Variants in PLA2G12A observed in about 807,000 individuals in gnomAD.
PLA2G12A encodes group XIIA secretory phospholipase A2.
A neutral mutation model predicts 16.0 loss-of-function variants in PLA2G12A; 11 were observed. The ratio of observed to expected loss-of-function variants is 0.69; its 90% CI spans 0.43 to 1.13. The LOEUF is 1.13. Among genes scored for constraint, PLA2G12A ranks in the 50% most tolerant of loss-of-function variants. The pLI is 0.00. For synonymous variants in PLA2G12A, 77 were observed against 93.8 expected, an observed-to-expected ratio of 0.82 and a Z score of 1.03; for missense variants, 214 against 237.3, an observed-to-expected ratio of 0.90 and a Z score of 0.65.
Position 109,729,850 on chromosome 4 carries a change from C to A in PLA2G12A, c.-41G>T, listed in dbSNP as rs1723017134. ...CTCTACGGGTCCCCGAGCCGCGGCG[C>A]GGGGCGCGTCCCCACAGAGTCCCCA... On this transcript the variant is annotated 5_prime_UTR_variant, in exon 1 of 4. Transcript: ENST00000243501. 1.3e-6 allele frequency: 2 copies of A among 1,522,408 alleles called. No homozygotes were observed. Among genetic ancestry groups the A allele is most frequent in the Non-Finnish European group, 1.8e-6 (2 of 1,131,818 alleles). The allele number at this position is 1,522,408 out of a possible 1,614,324, so 94.3% of individuals were successfully genotyped here.
chr4:109,715,626 T>C (rs887871298), intron 3 of PLA2G12A, among the ~76,000 whole-genome samples: 3 of 151,944 alleles, frequency 2.0e-5, no homozygotes, highest in African/African-American at 4.8e-5. Context: ...ACTGGGACTA[T>C]AGGCGCCTGG....
intron 1 of PLA2G12A, among the ~76,000 whole-genome samples, chr4:109,724,420 C>T (rs1561273232): frequency 6.6e-6 from 1 of 151,960 alleles, no homozygotes; most frequent in Non-Finnish European, 1.5e-5. Flanking sequence ...TCGCGCCCGG[C>T]CTTTTTTTTT....
chr4:109,728,460 G>A (rs928494680), intron 1 of PLA2G12A, among the ~76,000 whole-genome samples: 6 of 152,152 alleles, frequency 3.9e-5, no homozygotes, highest in African/African-American at 1.4e-4. Context: ...TTAATCCTCC[G>A]AACAAGTTCT....
Position 109,711,053 on chromosome 4 carries a change from C to CTTTTTTTTTT in PLA2G12A, c.*3314_*3323dup, listed in dbSNP as rs67674001. ...AGAGCTGCTGACAGTTAGTTCTTGCCTTTTTTTTTTTTTTTTTTTTTTTGC... is the reference window on the plus strand; with the variant it reads ...AGAGCTGCTGACAGTTAGTTCTTGCCTTTTTTTTTTTTTTTTTTTTTTTTTTTTTTTTTGC... On this transcript the variant is annotated 3_prime_UTR_variant, in exon 4 of 4. Transcript: ENST00000243501. 66 of 57,254 alleles carry CTTTTTTTTTT rather than the reference C, an allele frequency of 1.2e-3. 1 individual carries two copies. Among genetic ancestry groups the CTTTTTTTTTT allele is most frequent in the African/African-American group, 1.7e-3 (20 of 11,924 alleles). 3.5% of individuals were successfully genotyped at this position (57,254 alleles called of 1,614,324 possible).
At chr4:109,715,683 C>T (rs1730817882) in intron 3 of PLA2G12A, among the ~76,000 whole-genome samples, 1 of 152,088 alleles carries the variant, frequency 6.6e-6, no homozygotes, top group African/African-American at 2.4e-5. Context: ...CCATGTTGGC[C>T]AGGCTGCTCT....
rs201944228 is a variant in PLA2G12A at position 109,720,604 on chromosome 4, AATATATATATATATATAT to A, written c.209-1863_209-1846del. Among the ~76,000 whole-genome samples, 254 of 35,570 alleles carry A rather than the reference AATATATATATATATATAT, an allele frequency of 7.1e-3. 5 individuals are homozygous for A. Among genetic ancestry groups the A allele is most frequent in the African/African-American group, 0.029 (225 of 7,686 alleles). The allele number at this position is 35,570 out of a possible 152,430, so 23.3% of individuals were successfully genotyped here. The stretch of plus-strand genomic sequence containing the variant: ...AAAAAAAAAAAAAAAAAAAAAAAAA[AATATATATATATATATAT>A]ATATATATATATATATATATATGAA... On this transcript the variant is annotated intron_variant, in intron 1 of 3. Coordinates refer to ENST00000243501, the MANE Select transcript of PLA2G12A (RefSeq NM_030821.5).
intron 1 of PLA2G12A, among the ~76,000 whole-genome samples, chr4:109,725,805 G>C (rs551499280): frequency 6.6e-6 from 1 of 152,284 alleles, no homozygotes; most frequent in African/African-American, 2.4e-5. Flanking sequence ...CAGATGACAA[G>C]CACAAGAAGT....
At chr4:109,719,697 A>G (rs1730888031) in intron 1 of PLA2G12A, among the ~76,000 whole-genome samples, 1 of 152,198 alleles carries the variant, frequency 6.6e-6, no homozygotes, top group East Asian at 1.9e-4. Context: ...CAGTGCATAT[A>G]AAAGTTTTGT....
intron 1 of PLA2G12A, among the ~76,000 whole-genome samples, chr4:109,727,173 C>T (rs751556776): frequency 1.3e-4 from 19 of 151,862 alleles, no homozygotes; most frequent in African/African-American, 2.4e-4. Context: ...GCTGGAGGCA[C>T]GGTCTCGGCT....
In PLA2G12A at chr4:109,710,729, G is replaced by A. The variant is rs1561268478; in HGVS notation, c.*3648C>T. 1 of 152,272 alleles carries A rather than the reference G, an allele frequency of 6.6e-6. No individual in the cohort carries two copies. The highest frequency in any genetic ancestry group is 1.5e-5 in the Non-Finnish European group (1 of 68,066). 9.4% of individuals were successfully genotyped at this position (152,272 alleles called of 1,614,324 possible). ...GATCTGTCCGCCTTGGCCTCCCACAGTGCTGAGATTACAGGCTTGAACCAC... is the reference window on the plus strand; with the variant it reads ...GATCTGTCCGCCTTGGCCTCCCACAATGCTGAGATTACAGGCTTGAACCAC... On this transcript the variant is annotated 3_prime_UTR_variant, in exon 4 of 4. Coordinates refer to ENST00000243501, the MANE Select transcript of PLA2G12A (RefSeq NM_030821.5).
At chr4:109,725,778 C>T (rs1579126863) in intron 1 of PLA2G12A, among the ~76,000 whole-genome samples, 1 of 152,204 alleles carries the variant, frequency 6.6e-6, no homozygotes, top group Middle Eastern at 3.4e-3. Context: ...ACTGTTTTCA[C>T]CTGACAGAAT....
intron 1 of PLA2G12A, among the ~76,000 whole-genome samples, chr4:109,725,422 C>T (rs1342841090): frequency 6.6e-6 from 1 of 152,144 alleles, no homozygotes; most frequent in Non-Finnish European, 1.5e-5. Flanking sequence ...TTATAAATGG[C>T]TAAGCATTTT....
At chr4:109,717,482 A>C in intron 3 of PLA2G12A, 66 bp downstream of exon 3, 1 of 1,484,408 alleles carries the variant, frequency 6.7e-7, no homozygotes, top group South Asian at 1.2e-5. Context: ...TCCTATACTA[A>C]AACATAGAGC....
At position 109,713,489 on chromosome 4, in the gene PLA2G12A, G is replaced by A. The variant is rs1298301640; in HGVS notation, c.*888C>T. 3 of 152,106 alleles carry A rather than the reference G, an allele frequency of 2.0e-5. No individual in the cohort carries two copies. Among genetic ancestry groups the A allele is most frequent in the East Asian group, 3.9e-4 (2 of 5,188 alleles). 9.4% of individuals were successfully genotyped at this position (152,106 alleles called of 1,614,324 possible). A position where few individuals can be genotyped will look rare whatever the true frequency, so the allele number is the denominator to read the frequency against. On this transcript the variant is annotated 3_prime_UTR_variant, in exon 4 of 4. Coordinates refer to ENST00000243501, the MANE Select transcript of PLA2G12A (RefSeq NM_030821.5). ...ACAGTCTTTAAAAAATCTACAATAAGGAACAAGTGCTGGGAAATAAATAAC... is the reference window on the plus strand; with the variant it reads ...ACAGTCTTTAAAAAATCTACAATAAAGAACAAGTGCTGGGAAATAAATAAC...
At chr4:109,723,212 T>TAA (rs11385396) in intron 1 of PLA2G12A, among the ~76,000 whole-genome samples, 9,772 of 149,392 alleles carry the variant, frequency 0.065, 383 homozygotes, top group African/African-American at 0.11. Context: ...TAGACAGTAG[T>TAA]AAAAAAAAAA....
chr4:109,715,634 T>C (rs1159902208), intron 3 of PLA2G12A, among the ~76,000 whole-genome samples: 1 of 152,032 alleles, frequency 6.6e-6, no homozygotes, highest in African/African-American at 2.4e-5. Context: ...TATAGGCGCC[T>C]GGCTAATTTT....
At position 109,713,191 on chromosome 4, in the gene PLA2G12A, G is replaced by A. The variant is rs1425067219; in HGVS notation, c.*1186C>T. On this transcript the variant is annotated 3_prime_UTR_variant, in exon 4 of 4. Coordinates refer to ENST00000243501, the MANE Select transcript of PLA2G12A (RefSeq NM_030821.5). ...GGCTTGAGGTCCCAGGCTAGGGAAAGGTTAACAACCAGTAGTCAGCAAAGA... is the reference window on the plus strand; with the variant it reads ...GGCTTGAGGTCCCAGGCTAGGGAAAAGTTAACAACCAGTAGTCAGCAAAGA... 4 of 152,196 alleles carry A rather than the reference G, an allele frequency of 2.6e-5. No homozygotes were observed. Among genetic ancestry groups the A allele is most frequent in the Non-Finnish European group, 5.9e-5 (4 of 68,040 alleles). The allele number at this position is 152,196 out of a possible 1,614,324, so 9.4% of individuals were successfully genotyped here. A position where few individuals can be genotyped will look rare whatever the true frequency, so the allele number is the denominator to read the frequency against.
rs756901468 is a variant in PLA2G12A, at chr4:109,710,738, T to C, written c.*3639A>G. 1.4e-4 allele frequency: 22 copies of C among 152,278 alleles called. No individual in the cohort carries two copies. Among genetic ancestry groups the C allele is most frequent in the Non-Finnish European group, 2.8e-4 (19 of 68,064 alleles). 9.4% of individuals were successfully genotyped at this position (152,278 alleles called of 1,614,324 possible). The stretch of plus-strand genomic sequence containing the variant: ...GCCTTGGCCTCCCACAGTGCTGAGA[T>C]TACAGGCTTGAACCACCATGCCCAG... On this transcript the variant is annotated 3_prime_UTR_variant, in exon 4 of 4. Coordinates refer to ENST00000243501, the MANE Select transcript of PLA2G12A (RefSeq NM_030821.5).
At chr4:109,717,771 C>A in intron 2 of PLA2G12A, 58 bp from the exon 3 acceptor site, 2 of 1,499,542 alleles carry the variant, frequency 1.3e-6, no homozygotes, top group Non-Finnish European at 9.2e-7. Flanking sequence ...CTCTGAAGTA[C>A]TGCATTCAAA....
Sources: gnomAD v4.1 joint callset for allele counts (sites outside exome capture counted in the v4.1 genomes callset) on GRCh38, gnomAD v4.1.1 for gene constraint, MANE v1.5 for transcripts, NCBI Gene and HGNC (gene_info 2026-07-23, HGNC 2026-07-21) for gene names.